The following PCDHGB6 variants were observed in gnomAD, a reference collection of about 807,000 sequenced individuals.
The protein encoded by PCDHGB6 is protocadherin gamma subfamily B, 6, also known as protocadherin gamma-B6.
In PCDHGB6, 51 loss-of-function variants were observed where a neutral mutation model predicts 59.1. The ratio of observed to expected loss-of-function variants is 0.86; its 90% confidence interval spans 0.69 to 1.09. PCDHGB6 has a LOEUF of 1.09. Ranked by LOEUF, PCDHGB6 falls within the 50% of genes least tolerant of loss-of-function variation. The probability of loss-of-function intolerance (pLI) is 0.00; values close to 1 mark genes in which losing one functional copy is unlikely to be tolerated. For synonymous variants in PCDHGB6, 466 were observed against 495.1 expected (o/e 0.94, Z 0.78); for missense variants, 1,148 against 1,205.1 (o/e 0.95, Z 0.70).
At chr5:141,422,201 G>A in intron 1 of PCDHGB6, 1 of 1,562,386 alleles carries the variant, frequency 6.4e-7, no homozygotes, top group Non-Finnish European at 8.6e-7. Context: ...GGCCAAGATG[G>A]TGGAGGTCTC....
intron 1 of PCDHGB6, among the ~76,000 whole-genome samples, chr5:141,472,725 C>T (rs1250092748): frequency 6.6e-6 from 1 of 152,022 alleles, no homozygotes; most frequent in Non-Finnish European, 1.5e-5. Flanking sequence ...GTGGCTCACA[C>T]CTGTAATCCC....
Position 141,511,231 on chromosome 5 carries a change from C to T in PCDHGB6, c.*58C>T. On this transcript the variant is annotated 3_prime_UTR_variant, in exon 4 of 4. Coordinates refer to ENST00000520790, the MANE Select transcript of PCDHGB6 (RefSeq NM_018926.3). ...CTCTCCCCAACCAGCCCAGCTTCTC[C>T]TTACCTGCACCCAGGCCTCAGAGTT... 2 of 1,595,900 alleles carry T rather than the reference C, an allele frequency of 1.3e-6. No individual in the cohort carries two copies. The highest frequency in any genetic ancestry group is 2.2e-5 in the South Asian group (2 of 88,992).
At chr5:141,449,630 T>A (rs1006977026) in intron 1 of PCDHGB6, among the ~76,000 whole-genome samples, 6 of 150,024 alleles carry the variant, frequency 4.0e-5, no homozygotes, top group Non-Finnish European at 8.9e-5. Flanking sequence ...TTTAAAAAGA[T>A]GTATCTATAT....
intron 1 of PCDHGB6, chr5:141,427,607 T>C (rs1157037825): frequency 1.5e-6 from 1 of 688,594 alleles, no homozygotes; most frequent in Non-Finnish European, 2.7e-6. Context: ...TACGCATTGG[T>C]GAAGTCAACG....
rs994778084 is a variant in PCDHGB6 at position 141,408,721 on chromosome 5, C to T, written c.519C>T (p.Asn173=). 1 of 1,611,372 alleles carries T rather than the reference C, an allele frequency of 6.2e-7. No individual in the cohort carries two copies. The highest frequency in any genetic ancestry group is 8.5e-7 in the Non-Finnish European group (1 of 1,178,498). The change falls in exon 1 of 4, where the codon AAC becomes AAT. Residue 173 remains asparagine (N), a synonymous_variant. Transcript: ENST00000520790. The stretch of plus-strand genomic sequence containing the variant: ...ACTCAATTAAAGATTATAAGATAAA[C>T]TCTAATCCTTATTTTTCATTAATGG... ...NINSIKDYKI[N]SNPYFSLMVR...
intron 1 of PCDHGB6, among the ~76,000 whole-genome samples, chr5:141,450,467 T>C (rs997813636): frequency 9.2e-5 from 14 of 151,944 alleles, no homozygotes; most frequent in African/African-American, 3.2e-4. Flanking sequence ...ATTTTATATA[T>C]AGAGTTTGTT....
At chr5:141,423,225 C>T (rs763729316) in intron 1 of PCDHGB6, 3 of 1,613,804 alleles carry the variant, frequency 1.9e-6, no homozygotes, top group South Asian at 1.1e-5. Context: ...TGGCTGTGGC[C>T]GACAGCATCC....
intron 1 of PCDHGB6, chr5:141,478,664 C>T (rs2099470287): frequency 1.3e-6 from 2 of 1,551,788 alleles, no homozygotes; most frequent in Non-Finnish European, 1.7e-6. Context: ...GATGCATTCA[C>T]ACTTTCAACT....
rs2097383403 is a variant in PCDHGB6 at position 141,431,483 on chromosome 5, T to C, written c.2418+20863T>C. On this transcript the variant is annotated intron_variant, in intron 1 of 3. Coordinates refer to ENST00000520790, the MANE Select transcript of PCDHGB6 (RefSeq NM_018926.3). This position sits in a 1 kb window ranked among gnomAD's most constrained non-coding sequence, Gnocchi z 4.8. ...GGATGCGAACGACAACGCACCAGCG[T>C]TTGCTCAGCCCGAGTACCGCGCGAG... 2 of 1,613,758 alleles carry C rather than the reference T, an allele frequency of 1.2e-6. No homozygotes were observed. The highest frequency in any genetic ancestry group is 2.7e-5 in the African/African-American group (2 of 74,938).
Position 141,418,027 on chromosome 5 carries a change from T to A in PCDHGB6, c.2418+7407T>A, listed in dbSNP as rs536104184. 2.4e-5 allele frequency: 38 copies of A among 1,613,808 alleles called. 1 individual carries two copies. In the South Asian group the frequency reaches 4.2e-4, roughly 18 times the overall value. ...GGAACCTCGCTAAGGATCTAGGGCT[T>A]AGTGTCCTGGATGTGTCGGCTCGCG... On this transcript the variant is annotated intron_variant, in intron 1 of 3. Coordinates refer to ENST00000520790, the MANE Select transcript of PCDHGB6 (RefSeq NM_018926.3).
intron 1 of PCDHGB6, chr5:141,471,433 T>C (rs2099257619): frequency 6.6e-6 from 1 of 152,162 alleles, no homozygotes; most frequent in African/African-American, 2.4e-5. Flanking sequence ...GGAAAGTGTA[T>C]AATCTCATGT....
Position 141,489,195 on chromosome 5 carries a change from A to G in PCDHGB6, c.2419-5612A>G, listed in dbSNP as rs200660227. ...ATTCCAAGCCCTGGGTCTACCTTGG[A>G]GACAGGACAGCACAGACTTACTCTC... is the stretch of plus-strand genomic sequence containing the variant. On this transcript the variant is annotated intron_variant, in intron 1 of 3. Transcript: ENST00000520790. This position sits in a 1 kb window ranked among gnomAD's most constrained non-coding sequence, Gnocchi z 4.5. 1.8e-5 allele frequency: 25 copies of G among 1,383,116 alleles called. No individual in the cohort carries two copies. The East Asian group carries it at 4.8e-4, about 27-fold the overall frequency. 85.7% of individuals were successfully genotyped at this position (1,383,116 alleles called of 1,614,324 possible). A position where few individuals can be genotyped will look rare whatever the true frequency, so the allele number is the denominator to read the frequency against.
intron 2 of PCDHGB6, among the ~76,000 whole-genome samples, chr5:141,500,806 T>C (rs2099802700): frequency 6.6e-6 from 1 of 152,240 alleles, no homozygotes; most frequent in Non-Finnish European, 1.5e-5. Context: ...AGTCCTCATA[T>C]GAATATACAT....
chr5:141,408,108 A>T lies in PCDHGB6; in HGVS notation c.-95A>T. On this transcript the variant is annotated 5_prime_UTR_variant, in exon 1 of 4. Coordinates refer to ENST00000520790, the MANE Select transcript of PCDHGB6 (RefSeq NM_018926.3). Reference sequence around the variant, plus strand: ...CGGATTGCCAGCTCCGAGACCCGGGACTCCTCCTGTCCTGGGCCGAATGCT... The same window carrying T: ...CGGATTGCCAGCTCCGAGACCCGGGTCTCCTCCTGTCCTGGGCCGAATGCT... 6.9e-7 allele frequency: 1 copy of T among 1,441,874 alleles called. No homozygotes were observed. The highest frequency in any genetic ancestry group is 9.1e-7 in the Non-Finnish European group (1 of 1,093,452). 89.3% of individuals were successfully genotyped at this position (1,441,874 alleles called of 1,614,324 possible). A position where few individuals can be genotyped will look rare whatever the true frequency, so the allele number is the denominator to read the frequency against.
In PCDHGB6 at chr5:141,410,140, G is replaced by C; in HGVS notation, c.1938G>C (p.Val646=). Residue 646 remains valine, a synonymous_variant, in exon 1 of 4, where the codon GTG becomes GTC. Transcript: ENST00000520790. ...CCCGCCAGCGCCTGCTGGTCGCTGT[G>C]CGTGACGGTGGACAGCCGCCACTCT... ...DAARQRLLVA[V]RDGGQPPLSA... 1 of 1,612,782 alleles carries C rather than the reference G, an allele frequency of 6.2e-7. No homozygotes were observed. Among genetic ancestry groups the C allele is most frequent in the Non-Finnish European group, 8.5e-7 (1 of 1,179,626 alleles).
intron 1 of PCDHGB6, chr5:141,413,040 C>G: frequency 1.2e-6 from 1 of 840,546 alleles, no homozygotes; most frequent in Non-Finnish European, 1.8e-6. Flanking sequence ...GGCTGCTGGG[C>G]TGCAGGGAAG....
intron 1 of PCDHGB6, chr5:141,433,165 C>T: frequency 2.5e-6 from 4 of 1,613,470 alleles, no homozygotes; most frequent in Non-Finnish European, 2.5e-6. Context: ...TTTCTAAAGA[C>T]AGTCATGGGT....
At chr5:141,427,087 A>G (rs1338132084) in intron 1 of PCDHGB6, 1 of 458,198 alleles carries the variant, frequency 2.2e-6, no homozygotes, top group Non-Finnish European at 4.4e-6. Flanking sequence ...ACTGACCAGG[A>G]TGAGGGTGTC....
chr5:141,487,818 G>T lies in PCDHGB6; in HGVS notation c.2419-6989G>T, dbSNP rs1009237001. The T allele has an allele frequency of 1.2e-5, 16 of 1,331,602 alleles. No homozygotes were observed. Among genetic ancestry groups the T allele is most frequent in the Non-Finnish European group, 1.4e-5 (14 of 970,528 alleles). The allele number at this position is 1,331,602 out of a possible 1,614,324, so 82.5% of individuals were successfully genotyped here. On this transcript the variant is annotated intron_variant, in intron 1 of 3. Transcript: ENST00000520790. This position sits in a 1 kb window ranked among gnomAD's most constrained non-coding sequence, Gnocchi z 5.0. Reference sequence around the variant, plus strand: ...GAGTTGTCACAGTTTAGCATTGGGGGCGGGTCATGCCTATATCTGAGTAAG... The same window carrying T: ...GAGTTGTCACAGTTTAGCATTGGGGTCGGGTCATGCCTATATCTGAGTAAG...
Sources: gnomAD v4.1 joint callset for allele counts (sites outside exome capture counted in the v4.1 genomes callset) on GRCh38, gnomAD v4.1.1 for gene constraint, Gnocchi (gnomAD v3.1) non-coding constraint, MANE v1.5 for transcripts, NCBI Gene and HGNC (gene_info 2026-07-23, HGNC 2026-07-21) for gene names.